The following GRM4 variants were observed in gnomAD, a reference collection of about 807,000 sequenced individuals.
The protein encoded by GRM4 is glutamate metabotropic receptor 4, also known as metabotropic glutamate receptor 4.
In GRM4, 28 loss-of-function variants were observed where a neutral mutation model predicts 81.7. The observed-to-expected ratio is 0.34, with a 90% CI of 0.25 to 0.47. The LOEUF is 0.47. Ranked by LOEUF, GRM4 falls within the 20% of genes least tolerant of loss-of-function variation. The pLI is 1.00. For synonymous variants in GRM4, 488 were observed against 528.8 expected (o/e 0.92, Z 1.06); for missense variants, 948 against 1,290.0 (o/e 0.73, Z 4.06).
intron 3 of GRM4, among the ~76,000 whole-genome samples, chr6:34,073,641 A>G (rs2499690): frequency 0.11 from 17,157 of 152,038 alleles, 2,121 homozygotes; most frequent in African/African-American, 0.3. Flanking sequence ...ACCGTGAAGC[A>G]TCCACACCCC....
Position 34,036,299 on chromosome 6 carries a change from A to G in GRM4, c.1811T>C (p.Phe604Ser). 1 of 1,614,096 alleles carries G rather than the reference A, an allele frequency of 6.2e-7. No individual in the cohort carries two copies. The highest frequency in any genetic ancestry group is 1.3e-5 in the African/African-American group (1 of 75,036). ...LAVVGIAATL[F>S]VVITFVRYND... ...GTAGCGCACAAAGGTGATCACCACG[A>G]ACAACGTGGCAGCGATGCCCACCAC... The change falls in exon 9 of 11, where the codon TTC becomes TCC. Residue 604 changes from phenylalanine to serine, a missense_variant. Physicochemically the swap from Phe to Ser is radical, Grantham distance 155. Transcript: ENST00000538487. This position sits in a 1 kb window ranked among gnomAD's most constrained non-coding sequence, Gnocchi z 9.0.
At chr6:34,103,823 A>C (rs1262929495) in intron 2 of GRM4, 38 of 1,430,906 alleles carry the variant, frequency 2.7e-5, no homozygotes, top group Non-Finnish European at 3.2e-5. Context: ...CACAGGCACC[A>C]CGGTGAAAGA....
At chr6:34,155,017 T>A in intron 1 of GRM4, 1 of 1,340,988 alleles carries the variant, frequency 7.5e-7, no homozygotes, top group South Asian at 1.4e-5. Context: ...CCTCCCACAG[T>A]GCTGGGCACC....
At chr6:34,132,766 T>C (rs1338829900) in intron 2 of GRM4, among the ~76,000 whole-genome samples, 1 of 152,238 alleles carries the variant, frequency 6.6e-6, no homozygotes. Flanking sequence ...GCCTTTCATC[T>C]GCTGTGCCTG....
chr6:34,110,838 G>A, intron 2 of GRM4: 1 of 1,360,216 alleles, frequency 7.4e-7, no homozygotes, highest in South Asian at 1.9e-5. Context: ...CCTCTGCCCA[G>A]CCTTCCTCCA....
At chr6:34,126,039 C>G (rs948766748) in intron 2 of GRM4, among the ~76,000 whole-genome samples, 1 of 152,350 alleles carries the variant, frequency 6.6e-6, no homozygotes, top group East Asian at 1.9e-4. Context: ...GGTATCATCA[C>G]ACCCATTTCA....
Position 34,069,202 on chromosome 6 carries a change from A to ACACACG in GRM4, c.737-7175_737-7174insCGTGTG, listed in dbSNP as rs1316022947. ...CACACACACACACACACACACACAC[A>ACACACG]CACGCACGCACACACGGCTCCTTCC... On this transcript the variant is annotated intron_variant, in intron 3 of 10. Coordinates refer to ENST00000538487, the MANE Select transcript of GRM4 (RefSeq NM_000841.4). This position sits in a 1 kb window ranked among gnomAD's most constrained non-coding sequence, Gnocchi z 6.4. Among the ~76,000 whole-genome samples, 707 of 142,214 alleles carry ACACACG rather than the reference A, an allele frequency of 5.0e-3. 7 individuals are homozygous for ACACACG. The highest frequency in any genetic ancestry group is 0.018 in the African/African-American group (647 of 35,010). The allele number at this position is 142,214 out of a possible 152,430, so 93.3% of individuals were successfully genotyped here.
rs111480178 is a variant in GRM4 at position 34,118,274 on chromosome 6, C to G, written c.519+14704G>C. Among the ~76,000 whole-genome samples, 921 of 152,302 alleles carry G rather than the reference C, an allele frequency of 6.0e-3. 12 individuals are homozygous for G. Among genetic ancestry groups the G allele is most frequent in the African/African-American group, 0.021 (862 of 41,554 alleles). ...CATCGAGCCACACTCACACAGGGAC[C>G]CATGGCTGCCTGTTCCGTGCTTAAT... is the stretch of plus-strand genomic sequence containing the variant. On this transcript the variant is annotated intron_variant, in intron 2 of 10. Transcript: ENST00000538487.
At chr6:34,148,496 G>C (rs144330195), upstream of GRM4, among the ~76,000 whole-genome samples, 247 of 152,242 alleles carry the variant, frequency 1.6e-3, no homozygotes, top group Middle Eastern at 6.8e-3. Flanking sequence ...GGGGGAGCTA[G>C]GGGACCATGC....
At position 34,036,322 on chromosome 6, in the gene GRM4, C is replaced by G; in HGVS notation, c.1788G>C (p.Val596=). ...PWAVLPLFLA[V]VGIAATLFVV... is the part of the protein sequence containing the mutation. The stretch of plus-strand genomic sequence containing the variant: ...CGAACAACGTGGCAGCGATGCCCAC[C>G]ACGGCCAGGAAGAGGGGCAGCACGG... The change falls in exon 9 of 11, where the codon GTG becomes GTC. Residue 596 remains valine, a synonymous_variant. Transcript: ENST00000538487. This position sits in a 1 kb window ranked among gnomAD's most constrained non-coding sequence, Gnocchi z 9.0. 6.2e-7 allele frequency: 1 copy of G among 1,614,052 alleles called. No homozygotes were observed. Among genetic ancestry groups the G allele is most frequent in the Non-Finnish European group, 8.5e-7 (1 of 1,180,012 alleles).
At chr6:34,057,321 C>T (rs1765950544) in intron 5 of GRM4, among the ~76,000 whole-genome samples, 1 of 152,206 alleles carries the variant, frequency 6.6e-6, no homozygotes, top group Admixed American at 6.5e-5. Flanking sequence ...GCACTGTGGA[C>T]TGAGCTGCTC....
chr6:34,095,045 C>T (rs1266332010), intron 2 of GRM4, among the ~76,000 whole-genome samples: 6 of 152,196 alleles, frequency 3.9e-5, no homozygotes, highest in African/African-American at 1.4e-4. Flanking sequence ...GGCACACTGG[C>T]CCTGGCCCAC....
intron 1 of GRM4, among the ~76,000 whole-genome samples, chr6:34,139,952 C>T (rs1441018689): frequency 6.6e-6 from 1 of 152,168 alleles, no homozygotes; most frequent in Non-Finnish European, 1.5e-5. Context: ...GTGAAACAGG[C>T]ACAGACGCCT....
chr6:34,155,440 G>T, exon 1 of GRM4: 1 of 1,285,998 alleles, frequency 7.8e-7, no homozygotes, highest in Non-Finnish European at 1.0e-6. Context: ...CAGGCCGGCG[G>T]TTCGCAACCT....
chr6:34,029,350 T>C (rs1163131467), intron 9 of GRM4, among the ~76,000 whole-genome samples: 6 of 152,196 alleles, frequency 3.9e-5, no homozygotes, highest in African/African-American at 1.4e-4. Context: ...GCCCCCATGA[T>C]ACCCTTCATT....
At chr6:34,126,320 G>A (rs532493222) in intron 2 of GRM4, among the ~76,000 whole-genome samples, 1 of 152,258 alleles carries the variant, frequency 6.6e-6, no homozygotes, top group African/African-American at 2.4e-5. Flanking sequence ...TTGCTATGAG[G>A]GTTAGGACCA....
Position 34,040,227 on chromosome 6 carries a change from G to A in GRM4, c.1457C>T (p.Ser486Phe). The change falls in exon 8 of 11, where the codon TCT (serine) becomes TTT (phenylalanine). Residue 486 changes from serine (S) to phenylalanine (F), a missense_variant. Ser to Phe is a radical substitution (Grantham distance 155). Coordinates refer to ENST00000538487, the MANE Select transcript of GRM4 (RefSeq NM_000841.4). ...GGAGCCAATGACCTTGTACTCGGCA[G>A]AATCGTTGCGCAGCTGGTATTGGTA... Reference protein sequence around the residue: ...DIYQYQLRNDSAEYKVIGSWT... With the variant: ...DIYQYQLRNDFAEYKVIGSWT... 6.2e-7 allele frequency: 1 copy of A among 1,614,150 alleles called. No individual in the cohort carries two copies.
intron 3 of GRM4, 32 bp downstream of exon 3, chr6:34,091,851 G>C: frequency 6.6e-7 from 1 of 1,511,228 alleles, no homozygotes; most frequent in Non-Finnish European, 9.1e-7. Context: ...CCCCGAGCCT[G>C]GCATGACTCT....
At chr6:34,110,851 T>C in intron 2 of GRM4, 2 of 1,347,638 alleles carry the variant, frequency 1.5e-6, no homozygotes, top group South Asian at 2.0e-5. Context: ...TTCCTCCAGC[T>C]CAGGCCTGGA....
Sources: allele counts gnomAD v4.1 joint callset (sites outside exome capture counted in the v4.1 genomes callset), GRCh38; gene constraint gnomAD v4.1.1; non-coding constraint Gnocchi (gnomAD v3.1); transcripts MANE v1.5; gene names NCBI Gene and HGNC (gene_info 2026-07-23, HGNC 2026-07-21).